Variants in HECW2 observed in about 807,000 individuals in gnomAD.
The protein encoded by HECW2 is HECT, C2 and WW domain containing E3 ubiquitin protein ligase 2.
In HECW2, 61 loss-of-function variants were observed where a neutral mutation model predicts 175.2. The ratio of observed to expected loss-of-function variants is 0.35; its 90% confidence interval spans 0.28 to 0.43. The LOEUF is 0.43. Ranked by LOEUF, HECW2 falls within the 20% of genes least tolerant of loss-of-function variation. The pLI is 1.00. For synonymous variants in HECW2, 671 were observed against 731.0 expected, an observed-to-expected ratio of 0.92 and a Z score of 1.32; for missense variants, 1,524 against 2,000.5, an observed-to-expected ratio of 0.76 and a Z score of 4.54.
At chr2:196,228,005 A>C in intron 22 of HECW2, 97 bp downstream of exon 22, 1 of 1,178,246 alleles carries the variant, frequency 8.5e-7, no homozygotes, top group South Asian at 1.9e-5. Flanking sequence ...ACTTTGCCCA[A>C]GGGAAAAAAT....
chr2:196,254,177 T>C, intron 18 of HECW2, 148 bp from the exon 19 acceptor site: 2 of 1,316,322 alleles, frequency 1.5e-6, no homozygotes, highest in Non-Finnish European at 2.0e-6. Context: ...TAATTCTTGG[T>C]ACAAAATGGC....
At chr2:196,526,675 T>G (rs945242682) in intron 1 of HECW2, among the ~76,000 whole-genome samples, 15 of 145,418 alleles carry the variant, frequency 1.0e-4, no homozygotes, top group African/African-American at 3.0e-4. Flanking sequence ...GTCCTTTCTG[T>G]TTGTTAGTTT....
intron 28 of HECW2, among the ~76,000 whole-genome samples, chr2:196,202,570 A>G (rs1434589791): frequency 6.6e-6 from 1 of 152,232 alleles, no homozygotes; most frequent in Non-Finnish European, 1.5e-5. Context: ...TGACTGGCTC[A>G]TAGTGTTTGA....
intron 17 of HECW2, among the ~76,000 whole-genome samples, chr2:196,265,512 T>G (rs2105945917): frequency 6.6e-6 from 1 of 152,068 alleles, no homozygotes; most frequent in Middle Eastern, 3.4e-3. Context: ...GGAAAAGAGA[T>G]CCTAGATCCT....
chr2:196,360,701 A>G (rs1391069355), intron 2 of HECW2, among the ~76,000 whole-genome samples: 1 of 152,202 alleles, frequency 6.6e-6, no homozygotes, highest in Non-Finnish European at 1.5e-5. Context: ...AAAATAGGAA[A>G]AAAAACAGGT....
intron 2 of HECW2, among the ~76,000 whole-genome samples, chr2:196,399,115 T>G (rs1694748420): frequency 1.3e-5 from 2 of 152,176 alleles, no homozygotes; most frequent in Admixed American, 1.3e-4. Context: ...CTCCAGAGCT[T>G]CTCTTGGGTA....
intron 5 of HECW2, among the ~76,000 whole-genome samples, 196 bp downstream of exon 5, chr2:196,329,379 G>T (rs1692272305): frequency 6.6e-6 from 1 of 152,050 alleles, no homozygotes; most frequent in Non-Finnish European, 1.5e-5. Context: ...CTTGGTAGAA[G>T]AAATAATTTC....
Position 196,307,933 on chromosome 2 carries a change from A to G in HECW2, c.2585+2T>C. 6.5e-7 allele frequency: 1 copy of G among 1,527,288 alleles called. No individual in the cohort carries two copies. Among genetic ancestry groups the G allele is most frequent in the Non-Finnish European group, 8.9e-7 (1 of 1,124,786 alleles). The allele number at this position is 1,527,288 out of a possible 1,614,324, so 94.6% of individuals were successfully genotyped here. On this transcript the variant is annotated splice_donor_variant, in intron 11 of 28. Transcript: ENST00000644978. LOFTEE classifies it high-confidence loss of function. The stretch of plus-strand genomic sequence containing the variant: ...CAGTCACAGCAAAATGTTCATCCTC[A>G]CCGCCGGTTCAGCTGCTCCATTTGC...
intron 1 of HECW2, among the ~76,000 whole-genome samples, chr2:196,578,220 A>T (rs1204758778): frequency 6.6e-6 from 1 of 152,220 alleles, no homozygotes; most frequent in East Asian, 1.9e-4. Flanking sequence ...ACAGTAATTG[A>T]AATGAATAAT....
intron 2 of HECW2, among the ~76,000 whole-genome samples, chr2:196,413,630 C>A (rs760571250): frequency 3.3e-5 from 5 of 152,132 alleles, no homozygotes; most frequent in Non-Finnish European, 5.9e-5. Context: ...CAGGTGTAAG[C>A]CACTATGCCC....
intron 1 of HECW2, among the ~76,000 whole-genome samples, chr2:196,566,669 A>G (rs1468443740): frequency 6.8e-6 from 1 of 147,440 alleles, no homozygotes; most frequent in African/African-American, 2.5e-5. Context: ...AGTAGCCAGG[A>G]CTACAGGTGC....
intron 1 of HECW2, among the ~76,000 whole-genome samples, chr2:196,450,989 T>A (rs1049935732): frequency 6.6e-6 from 1 of 152,228 alleles, no homozygotes; most frequent in Non-Finnish European, 1.5e-5. Context: ...TAAGAATTTT[T>A]AAATTCTATT....
intron 1 of HECW2, among the ~76,000 whole-genome samples, chr2:196,439,346 A>G (rs1214968619): frequency 6.6e-6 from 1 of 152,194 alleles, no homozygotes; most frequent in African/African-American, 2.4e-5. Flanking sequence ...AACTTTACAT[A>G]TTAAAAACCA....
In HECW2 at chr2:196,319,292, A is replaced by C; in HGVS notation, c.1598T>G (p.Leu533Arg). Residue 533 changes from leucine to arginine, a missense_variant, in exon 9 of 29, where the codon CTT becomes CGT. Leu to Arg is a moderately radical substitution (Grantham distance 102). Transcript: ENST00000644978. Reference protein sequence around the residue: ...AASFEDKPENLPELAESSLPA... With the variant: ...AASFEDKPENRPELAESSLPA... The stretch of plus-strand genomic sequence containing the variant: ...TAAGGAGCTCTCTGCAAGCTCTGGA[A>C]GATTTTCTGGCTTATCCTCAAAGGA... 6.2e-7 allele frequency: 1 copy of C among 1,612,176 alleles called. No individual in the cohort carries two copies. Among genetic ancestry groups the C allele is most frequent in the South Asian group, 1.1e-5 (1 of 90,510 alleles).
intron 2 of HECW2, among the ~76,000 whole-genome samples, chr2:196,418,892 A>G (rs183795651): frequency 7.9e-5 from 12 of 152,354 alleles, no homozygotes; most frequent in Admixed American, 1.3e-4. Flanking sequence ...TAACATTGTT[A>G]AACAAACAGA....
intron 4 of HECW2, among the ~76,000 whole-genome samples, chr2:196,332,085 CAG>C (rs1194902327): frequency 5.3e-5 from 8 of 152,230 alleles, no homozygotes. Flanking sequence ...ATACAAATGA[CAG>C]AGAGGTCCCC....
intron 1 of HECW2, among the ~76,000 whole-genome samples, chr2:196,534,258 G>A (rs928911280): frequency 1.3e-5 from 2 of 150,542 alleles, no homozygotes; most frequent in Non-Finnish European, 2.9e-5. Flanking sequence ...TTCGGTGTGT[G>A]TCAGGGCCTC....
intron 2 of HECW2, among the ~76,000 whole-genome samples, chr2:196,414,455 G>A (rs1695198753): frequency 6.6e-6 from 1 of 152,176 alleles, no homozygotes; most frequent in South Asian, 2.1e-4. Context: ...AGGAGGCAGG[G>A]AAGGGCTGAT....
At position 196,292,668 on chromosome 2, in the gene HECW2, C is replaced by T. The variant is rs767011668; in HGVS notation, c.2897G>A (p.Arg966His). Residue 966 changes from arginine to histidine, a missense_variant, in exon 14 of 29, where the codon CGC (arginine) becomes CAC (histidine). Coordinates refer to ENST00000644978, the MANE Select transcript of HECW2 (RefSeq NM_001348768.2). The part of the protein sequence containing the change: ...KVRRDTHHFE[R>H]YQHNRDLVGF... ...CACAAGGTCGCGGTTATGCTGGTAG[C>T]GTTCAAAGTGGTGGGTGTCCCTCCG... is the stretch of plus-strand genomic sequence containing the variant. The T allele has an allele frequency of 3.7e-5, 60 of 1,613,996 alleles. 1 individual carries two copies. The highest frequency in any genetic ancestry group is 2.2e-5 in the East Asian group (1 of 44,886).
Sources: allele counts gnomAD v4.1 joint callset (sites outside exome capture counted in the v4.1 genomes callset), GRCh38; gene constraint gnomAD v4.1.1; transcripts MANE v1.5; gene names NCBI Gene and HGNC (gene_info 2026-07-23, HGNC 2026-07-21).